RAD51B: variants seen among roughly 807,000 people sequenced by gnomAD.
RAD51B encodes RAD51 paralog B, also known as DNA repair protein RAD51 homolog 2.
A neutral mutation model predicts 42.2 loss-of-function variants in RAD51B; 38 were observed. That is an observed-to-expected ratio of 0.90 (90% CI 0.70 to 1.18). The LOEUF (loss-of-function observed/expected upper bound fraction) is 1.18, where lower values mean the gene tolerates loss of function less well. Ranked by LOEUF, RAD51B falls within the 50% of genes most tolerant of loss-of-function variation. RAD51B has a pLI of 0.00. For synonymous variants in RAD51B, 154 were observed against 145.2 expected (o/e 1.06, Z -0.43); for missense variants, 373 against 400.7 (o/e 0.93, Z 0.59).
At chr14:68,480,088 T>C (rs1260406799), downstream of RAD51B, among the ~76,000 whole-genome samples, 1 of 152,210 alleles carries the variant, frequency 6.6e-6, no homozygotes, top group Non-Finnish European at 1.5e-5. Context: ...GTTATTGTTG[T>C]TTGAGATGGA....
chr14:67,902,694 C>T (rs953004437), intron 7 of RAD51B, among the ~76,000 whole-genome samples: 2 of 152,068 alleles, frequency 1.3e-5, no homozygotes, highest in African/African-American at 2.4e-5. Flanking sequence ...AGTGATGGAT[C>T]AGTGTAGTTC....
intron 8 of RAD51B, among the ~76,000 whole-genome samples, chr14:68,309,546 A>G (rs1332374082): frequency 1.3e-5 from 2 of 152,214 alleles, no homozygotes; most frequent in African/African-American, 4.8e-5. Flanking sequence ...ATCTTCCAAG[A>G]TCATAAAGCC....
At chr14:68,323,856 G>A (rs187941154) in intron 8 of RAD51B, among the ~76,000 whole-genome samples, 42 of 152,296 alleles carry the variant, frequency 2.8e-4, no homozygotes, top group African/African-American at 8.9e-4. Context: ...GAATGGAAGC[G>A]GGAGTGGAGG....
At chr14:68,602,530 A>G (rs532441231) in intron 10 of RAD51B, among the ~76,000 whole-genome samples, 45 of 151,542 alleles carry the variant, frequency 3.0e-4, no homozygotes, top group Admixed American at 1.3e-4. Flanking sequence ...AGCTAGATAG[A>G]TAGATAGATA....
At chr14:68,651,667 C>T (rs914688481) in intron 11 of RAD51B, among the ~76,000 whole-genome samples, 6 of 152,318 alleles carry the variant, frequency 3.9e-5, no homozygotes, top group Admixed American at 3.9e-4. Context: ...ACGAAGCAAA[C>T]GGGCTGAAGA....
chr14:68,096,789 G>A (rs911129500), intron 7 of RAD51B, among the ~76,000 whole-genome samples: 1 of 151,028 alleles, frequency 6.6e-6, no homozygotes, highest in Middle Eastern at 3.2e-3. Context: ...TCTAATAGCT[G>A]CAAAGGAATA....
At chr14:68,488,080 GTGGA>G (rs1460640772) in intron 10 of RAD51B, among the ~76,000 whole-genome samples, 3 of 152,100 alleles carry the variant, frequency 2.0e-5, no homozygotes, top group African/African-American at 7.2e-5. Flanking sequence ...GAAAACGTGG[GTGGA>G]TGGATACATG....
chr14:68,350,408 C>G (rs1312090697), intron 8 of RAD51B, among the ~76,000 whole-genome samples: 1 of 152,184 alleles, frequency 6.6e-6, no homozygotes, highest in Non-Finnish European at 1.5e-5. Context: ...GATGATATGA[C>G]TCTTGAATGG....
At chr14:68,324,816 A>G (rs2082219733) in intron 8 of RAD51B, among the ~76,000 whole-genome samples, 1 of 152,036 alleles carries the variant, frequency 6.6e-6, no homozygotes, top group Non-Finnish European at 1.5e-5. Flanking sequence ...CTCATGCTTT[A>G]CTTCGGTAGT....
intron 10 of RAD51B, among the ~76,000 whole-genome samples, chr14:68,561,446 C>T (rs1408927415): frequency 1.3e-5 from 2 of 152,202 alleles, no homozygotes; most frequent in Non-Finnish European, 2.9e-5. Context: ...AGCAGGCATG[C>T]TCACCTGGGG....
At chr14:68,088,022 ATATATAAT>A (rs1314967664) in intron 7 of RAD51B, among the ~76,000 whole-genome samples, 8 of 132,778 alleles carry the variant, frequency 6.0e-5, no homozygotes, top group Non-Finnish European at 1.2e-4. Flanking sequence ...ATATATTATT[ATATATAAT>A]TATATAATTA....
intron 7 of RAD51B, among the ~76,000 whole-genome samples, chr14:68,278,988 T>A (rs189313919): frequency 6.6e-6 from 1 of 152,362 alleles, no homozygotes; most frequent in Admixed American, 6.5e-5. Context: ...TTTCTTTTCA[T>A]TTTTTCTTCT....
intron 7 of RAD51B, among the ~76,000 whole-genome samples, chr14:68,284,384 C>T (rs1323301896): frequency 6.6e-6 from 1 of 152,222 alleles, no homozygotes; most frequent in African/African-American, 2.4e-5. Context: ...TTATTCTAAG[C>T]AGACTGCTAC....
chr14:67,995,818 C>T (rs968533133), intron 7 of RAD51B, among the ~76,000 whole-genome samples: 8 of 151,962 alleles, frequency 5.3e-5, no homozygotes, highest in East Asian at 2.0e-4. Context: ...GAGGTTTCAC[C>T]GTGTTAACCA....
chr14:67,934,096 A>G (rs948592309), intron 7 of RAD51B, among the ~76,000 whole-genome samples: 2 of 152,254 alleles, frequency 1.3e-5, no homozygotes, highest in Non-Finnish European at 2.9e-5. Context: ...CTGGCACCAC[A>G]GAAGACCTGG....
At chr14:67,979,860 A>G (rs2075059453) in intron 7 of RAD51B, among the ~76,000 whole-genome samples, 2 of 152,188 alleles carry the variant, frequency 1.3e-5, no homozygotes, top group African/African-American at 4.8e-5. Context: ...CTGTTAATAC[A>G]TATTAGCAAG....
intron 7 of RAD51B, among the ~76,000 whole-genome samples, chr14:68,181,117 G>A (rs912215424): frequency 3.3e-5 from 5 of 152,198 alleles, no homozygotes; most frequent in African/African-American, 1.2e-4. Flanking sequence ...TTGAAGGTGG[G>A]TTTTAGTCTT....
chr14:67,985,358 A>G (rs1451152742), intron 7 of RAD51B, among the ~76,000 whole-genome samples: 3 of 152,222 alleles, frequency 2.0e-5, no homozygotes, highest in South Asian at 2.1e-4. Flanking sequence ...GATGTTATGT[A>G]AGAGACTCAG....
At chr14:68,540,166 C>CTTT (rs11321834) in intron 10 of RAD51B, 82,539 of 560,898 alleles carry the variant, frequency 0.15, 7,999 homozygotes, top group Admixed American at 0.35. Flanking sequence ...TACCCTGCTC[C>CTTT]TTTTTTTTTT....
Sources: gnomAD v4.1 joint callset for allele counts (sites outside exome capture counted in the v4.1 genomes callset) on GRCh38, gnomAD v4.1.1 for gene constraint, MANE v1.5 for transcripts, NCBI Gene and HGNC (gene_info 2026-07-23, HGNC 2026-07-21) for gene names.